CDKN2B-AS1: variants seen among roughly 807,000 people sequenced by gnomAD.
CDKN2B-AS1 encodes the protein CDKN2B and CDKN2A antisense cis and trans regulatory RNA 1.
At chr9:22,043,919 A>G (rs1823002749) in intron 1 of CDKN2B-AS1, among the ~76,000 whole-genome samples, 1 of 152,020 alleles carries the variant, frequency 6.6e-6, no homozygotes, top group African/African-American at 2.4e-5. Context: ...TGAGATTCAT[A>G]TTCAAGCATG....
At chr9:22,009,201 G>A (rs1332496846) in intron 1 of CDKN2B-AS1, 3 of 613,852 alleles carry the variant, frequency 4.9e-6, no homozygotes, top group Non-Finnish European at 2.9e-6. Flanking sequence ...GATTGCTTCT[G>A]GGAAAAAGCG....
chr9:22,127,947 T>C (rs1818040459), exon 5 of CDKN2B-AS1, among the ~76,000 whole-genome samples: 1 of 152,012 alleles, frequency 6.6e-6, no homozygotes, highest in African/African-American at 2.4e-5. Flanking sequence ...ATAAAAAGGG[T>C]AAGGATGCTA....
intron 1 of CDKN2B-AS1, among the ~76,000 whole-genome samples, chr9:22,026,371 C>G (rs1390373321): frequency 2.6e-5 from 4 of 152,198 alleles, no homozygotes; most frequent in African/African-American, 9.7e-5. Flanking sequence ...CTTAAAGCAG[C>G]AGTCTGGCCA....
intron 4 of CDKN2B-AS1, among the ~76,000 whole-genome samples, chr9:22,074,982 A>G (rs982060857): frequency 6.6e-6 from 1 of 152,240 alleles, no homozygotes; most frequent in African/African-American, 2.4e-5. Context: ...GTACATAGAC[A>G]AATGTTTTTA....
chr9:22,100,779 G>T (rs936111726), intron 4 of CDKN2B-AS1, among the ~76,000 whole-genome samples: 1 of 152,130 alleles, frequency 6.6e-6, no homozygotes, highest in African/African-American at 2.4e-5. Flanking sequence ...AATGTATGGA[G>T]GTTCCCACTT....
At chr9:22,040,224 C>T (rs1822845394) in intron 1 of CDKN2B-AS1, among the ~76,000 whole-genome samples, 1 of 151,960 alleles carries the variant, frequency 6.6e-6, no homozygotes, top group Non-Finnish European at 1.5e-5. Flanking sequence ...AGGCAAGAGC[C>T]TGTGATCATG....
intron 4 of CDKN2B-AS1, among the ~76,000 whole-genome samples, chr9:22,074,132 G>A (rs1015184014): frequency 6.6e-6 from 1 of 152,150 alleles, no homozygotes; most frequent in African/African-American, 2.4e-5. Context: ...CAAATGAGAA[G>A]GATTACAGGT....
intron 4 of CDKN2B-AS1, among the ~76,000 whole-genome samples, chr9:22,060,056 G>C (rs1185118426): frequency 1.3e-5 from 2 of 152,186 alleles, no homozygotes; most frequent in African/African-American, 4.8e-5. Flanking sequence ...CTGCCATGAA[G>C]GTCTCTGACA....
At chr9:22,098,604 A>T (rs1457006927) in intron 4 of CDKN2B-AS1, among the ~76,000 whole-genome samples, 1 of 152,306 alleles carries the variant, frequency 6.6e-6, no homozygotes, top group South Asian at 2.1e-4. Flanking sequence ...CTAACAAAAG[A>T]TGTCCTGTTT....
At chr9:22,022,613 G>T (rs992967219) in intron 1 of CDKN2B-AS1, among the ~76,000 whole-genome samples, 8 of 152,194 alleles carry the variant, frequency 5.3e-5, no homozygotes, top group African/African-American at 1.9e-4. Flanking sequence ...TTGCCGCTCT[G>T]TCTTCTAATT....
exon 5 of CDKN2B-AS1, among the ~76,000 whole-genome samples, chr9:22,127,123 C>T (rs1227796523): frequency 6.6e-6 from 1 of 152,064 alleles, no homozygotes; most frequent in African/African-American, 2.4e-5. Flanking sequence ...ACTCTGTCGC[C>T]CAGGCTGGAG....
intron 4 of CDKN2B-AS1, among the ~76,000 whole-genome samples, chr9:22,089,443 T>C (rs1421242605): frequency 1.3e-5 from 2 of 152,284 alleles, no homozygotes; most frequent in East Asian, 3.9e-4. Flanking sequence ...ACTAAACTTT[T>C]TTTTTTAAAA....
chr9:22,089,534 G>C (rs185375376), intron 4 of CDKN2B-AS1, among the ~76,000 whole-genome samples: 10 of 152,218 alleles, frequency 6.6e-5, no homozygotes, highest in Admixed American at 6.5e-4. Context: ...AGATTCAAGT[G>C]ATCTTCCCAC....
chr9:22,110,324 G>T (rs542139225), intron 4 of CDKN2B-AS1, among the ~76,000 whole-genome samples: 51 of 152,154 alleles, frequency 3.4e-4, no homozygotes, highest in African/African-American at 1.2e-3. Flanking sequence ...TGAAAATCTA[G>T]GTATCTCTTC....
chr9:22,061,034 A>T (rs951477541), intron 4 of CDKN2B-AS1, among the ~76,000 whole-genome samples: 5 of 152,162 alleles, frequency 3.3e-5, no homozygotes, highest in African/African-American at 1.2e-4. Context: ...AAGTTTTTTT[A>T]AAAAAACAAA....
chr9:22,119,653 T>G (rs1468058962), intron 4 of CDKN2B-AS1: 7 of 152,260 alleles, frequency 4.6e-5, no homozygotes, highest in Non-Finnish European at 8.8e-5. Context: ...CACTACCTGA[T>G]AGACTTGGGA....
At chr9:22,049,421 T>C (rs1003198341) in intron 3 of CDKN2B-AS1, among the ~76,000 whole-genome samples, 1 of 152,128 alleles carries the variant, frequency 6.6e-6, no homozygotes, top group Admixed American at 6.5e-5. Flanking sequence ...CCTTTAAATC[T>C]GGGTATAAGT....
chr9:22,110,269 C>T (rs1825771155), intron 4 of CDKN2B-AS1, among the ~76,000 whole-genome samples: 1 of 152,066 alleles, frequency 6.6e-6, no homozygotes, highest in African/African-American at 2.4e-5. Flanking sequence ...TATGAACATC[C>T]ACTGGGTGCC....
At position 22,053,860 on chromosome 9, in the gene CDKN2B-AS1, C is replaced by T. The variant is rs141855696; in HGVS notation, n.303-2392C>T. On this transcript the variant is annotated intron_variant and non_coding_transcript_variant, in intron 3 of 4. Coordinates refer to ENST00000650946, the Ensembl canonical transcript of CDKN2B-AS1. ...GTCACTAGCTAATTGTTACAGCCAT[C>T]GAAGGAAAAAATAAGGATTTTTACT... Among the ~76,000 whole-genome samples the T allele has an allele frequency of 7.5e-3, 1,141 of 151,398 alleles. 15 individuals carry two copies. Among genetic ancestry groups the T allele is most frequent in the African/African-American group, 0.024 (986 of 41,190 alleles).
Sources: allele counts gnomAD v4.1 joint callset (sites outside exome capture counted in the v4.1 genomes callset), GRCh38; gene constraint gnomAD v4.1.1; transcripts MANE v1.5; gene names NCBI Gene and HGNC (gene_info 2026-07-23, HGNC 2026-07-21).